Variants in SPAG16 observed in about 807,000 individuals in gnomAD.
SPAG16 encodes the protein sperm associated antigen 16, also known as sperm-associated antigen 16 protein.
In SPAG16, 86 loss-of-function variants were observed where a neutral mutation model predicts 80.4. The observed-to-expected ratio is 1.07, with a 90% confidence interval of 0.90 to 1.28. SPAG16 has a LOEUF of 1.28. Ranked by LOEUF, SPAG16 falls within the 50% of genes most tolerant of loss-of-function variation. The probability of loss-of-function intolerance (pLI) is 0.00; values close to 1 mark genes in which losing one functional copy is unlikely to be tolerated. For synonymous variants in SPAG16, 294 were observed against 265.9 expected, an observed-to-expected ratio of 1.11 and a Z score of -1.03; for missense variants, 870 against 765.3, an observed-to-expected ratio of 1.14 and a Z score of -1.61.
intron 11 of SPAG16, among the ~76,000 whole-genome samples, chr2:213,866,253 T>C (rs180958938): frequency 6.6e-6 from 1 of 152,104 alleles, no homozygotes; most frequent in East Asian, 1.9e-4. Context: ...AGCATAAACA[T>C]AATTTTAAAC....
intron 9 of SPAG16, among the ~76,000 whole-genome samples, chr2:213,403,823 A>C (rs2068462248): frequency 6.6e-6 from 1 of 152,214 alleles, no homozygotes; most frequent in Non-Finnish European, 1.5e-5. Context: ...GTCTCAGCCC[A>C]AAATCTCCTC....
chr2:213,599,534 C>G (rs2060990925), intron 10 of SPAG16, among the ~76,000 whole-genome samples: 1 of 152,116 alleles, frequency 6.6e-6, no homozygotes, highest in East Asian at 1.9e-4. Context: ...AATCTCTCTT[C>G]TGATTTTTAG....
chr2:213,463,719 G>T lies in SPAG16; in HGVS notation c.943-26244G>T, dbSNP rs1018240192. On this transcript the variant is annotated intron_variant, in intron 9 of 15. Transcript: ENST00000331683. The stretch of plus-strand genomic sequence containing the variant: ...CTGGATGTCCAGGCAGAAGTTTGCT[G>T]CAGGGGCGGAGCCCTCATGGAGAAA... 5.9e-5 allele frequency among the ~76,000 whole-genome samples: 9 copies of T among 152,392 alleles called. No individual in the cohort carries two copies. In the East Asian group the frequency reaches 9.7e-4, roughly 16 times the overall value.
At chr2:214,256,680 C>G (rs1690709285) in intron 15 of SPAG16, among the ~76,000 whole-genome samples, 1 of 151,920 alleles carries the variant, frequency 6.6e-6, no homozygotes, top group African/African-American at 2.4e-5. Context: ...AAACCCTTAA[C>G]TGTCCACACT....
In SPAG16 at chr2:213,818,976, T is replaced by C. The variant is rs1455935095; in HGVS notation, c.1071-43509T>C. On this transcript the variant is annotated intron_variant, in intron 10 of 15. Coordinates refer to ENST00000331683, the MANE Select transcript of SPAG16 (RefSeq NM_024532.5). ...TGTTTATAAATTACCCAGTCTCAGA[T>C]AGTAACTTCATAGCAGTGTGAAACC... 4.6e-5 allele frequency among the ~76,000 whole-genome samples: 7 copies of C among 152,196 alleles called. No homozygotes were observed. The East Asian group carries it at 9.6e-4, about 21-fold the overall frequency.
At chr2:214,085,953 C>T (rs1276204324) in intron 13 of SPAG16, among the ~76,000 whole-genome samples, 1 of 152,178 alleles carries the variant, frequency 6.6e-6, no homozygotes, top group African/African-American at 2.4e-5. Context: ...ACCATCTTCG[C>T]CCTCTGCCTT....
At chr2:214,050,146 T>C (rs1250278846) in intron 13 of SPAG16, among the ~76,000 whole-genome samples, 1 of 151,878 alleles carries the variant, frequency 6.6e-6, no homozygotes, top group East Asian at 1.9e-4. Context: ...AGTGAAGCCA[T>C]ATGGAAAAAA....
intron 15 of SPAG16, among the ~76,000 whole-genome samples, chr2:214,245,248 T>A (rs1364325399): frequency 1.3e-5 from 2 of 152,148 alleles, no homozygotes; most frequent in African/African-American, 4.8e-5. Context: ...GCTTTTAATA[T>A]CCACGCTATT....
At chr2:214,098,934 A>C (rs1219106017) in intron 13 of SPAG16, among the ~76,000 whole-genome samples, 1 of 151,990 alleles carries the variant, frequency 6.6e-6, no homozygotes, top group Non-Finnish European at 1.5e-5. Context: ...CCAGTTACAG[A>C]AGTAGAAAAA....
At position 213,838,175 on chromosome 2, in the gene SPAG16, G is replaced by A. The variant is rs1820563; in HGVS notation, c.1071-24310G>A. On this transcript the variant is annotated intron_variant, in intron 10 of 15. Transcript: ENST00000331683. ...GCCAAAGAGTTTTGTCCTTATCTCT[G>A]ATTTCTTTTTTTTTGAGACAGAGCC... Among the ~76,000 whole-genome samples, 133 of 152,114 alleles carry A rather than the reference G, an allele frequency of 8.7e-4. 2 individuals are homozygous for A. Among genetic ancestry groups the A allele is most frequent in the Admixed American group, 7.7e-3 (118 of 15,276 alleles).
At chr2:213,903,735 T>C (rs72946876) in intron 11 of SPAG16, among the ~76,000 whole-genome samples, 36,651 of 152,146 alleles carry the variant, frequency 0.24, 4,991 homozygotes, top group South Asian at 0.37. Flanking sequence ...GATTTTTCTT[T>C]TCTATCACAT....
chr2:213,692,726 C>G (rs940712268), intron 10 of SPAG16, among the ~76,000 whole-genome samples: 1 of 151,084 alleles, frequency 6.6e-6, no homozygotes, highest in Admixed American at 6.6e-5. Context: ...AGGAGAATGC[C>G]GTGAACCCGG....
chr2:214,205,225 A>T (rs796523190), intron 15 of SPAG16, among the ~76,000 whole-genome samples: 3 of 135,360 alleles, frequency 2.2e-5, no homozygotes, highest in African/African-American at 7.3e-5. Context: ...CTCTGCCAAA[A>T]AAAAAGAAAG....
chr2:213,946,954 A>G (rs544402844), intron 12 of SPAG16, among the ~76,000 whole-genome samples: 77 of 152,150 alleles, frequency 5.1e-4, no homozygotes, highest in Non-Finnish European at 9.6e-4. Flanking sequence ...ATAGTATGTG[A>G]CCATCTGAAG....
chr2:213,692,664 G>A (rs2125299622), intron 10 of SPAG16, among the ~76,000 whole-genome samples: 1 of 152,080 alleles, frequency 6.6e-6, no homozygotes, highest in Non-Finnish European at 1.5e-5. Context: ...CAAAAAATTA[G>A]CCCGCCATGG....
At chr2:213,383,071 CTCTCAA>C (rs1419633700) in intron 9 of SPAG16, among the ~76,000 whole-genome samples, 1 of 152,060 alleles carries the variant, frequency 6.6e-6, no homozygotes, top group Admixed American at 6.6e-5. Context: ...TTACATGATT[CTCTCAA>C]TCTTGTACCC....
At chr2:214,053,750 C>A (rs901519073) in intron 13 of SPAG16, among the ~76,000 whole-genome samples, 1 of 152,138 alleles carries the variant, frequency 6.6e-6, no homozygotes, top group Admixed American at 6.6e-5. Flanking sequence ...AGTAGCTTGA[C>A]CAGACTCACA....
intron 11 of SPAG16, among the ~76,000 whole-genome samples, chr2:213,903,659 A>G (rs577477416): frequency 3.3e-4 from 50 of 152,262 alleles, no homozygotes; most frequent in Non-Finnish European, 5.7e-4. Flanking sequence ...TGTCTTGGGG[A>G]TTAATTCCGC....
chr2:214,048,702 G>A (rs1354486221), intron 13 of SPAG16, among the ~76,000 whole-genome samples: 1 of 152,026 alleles, frequency 6.6e-6, no homozygotes, highest in Non-Finnish European at 1.5e-5. Flanking sequence ...AATAACTGAA[G>A]GAGTATAATT....
Sources: gnomAD v4.1 joint callset for allele counts (sites outside exome capture counted in the v4.1 genomes callset) on GRCh38, gnomAD v4.1.1 for gene constraint, MANE v1.5 for transcripts, NCBI Gene and HGNC (gene_info 2026-07-23, HGNC 2026-07-21) for gene names.